SUCLG2: variants seen among roughly 807,000 people sequenced by gnomAD.
The protein encoded by SUCLG2 is succinate-CoA ligase GDP-forming subunit beta, also known as succinate--CoA ligase [GDP-forming] subunit beta, mitochondrial.
In SUCLG2, 42 loss-of-function variants were observed where a neutral mutation model predicts 47.9. The ratio of observed to expected loss-of-function variants is 0.88; its 90% CI spans 0.69 to 1.14. The LOEUF (loss-of-function observed/expected upper bound fraction) is 1.14, where lower values mean the gene tolerates loss of function less well. Ranked by LOEUF, SUCLG2 falls within the 50% of genes most tolerant of loss-of-function variation. The probability of loss-of-function intolerance (pLI) is 0.00; values close to 1 mark genes in which losing one functional copy is unlikely to be tolerated. For missense variants in SUCLG2, 571 were observed against 525.9 expected (o/e 1.09, Z -0.84); for synonymous variants, 195 against 197.3 (o/e 0.99, Z 0.10).
intron 9 of SUCLG2, among the ~76,000 whole-genome samples, chr3:67,448,928 T>C (rs1327521023): frequency 1.3e-5 from 2 of 152,170 alleles, no homozygotes; most frequent in South Asian, 2.1e-4. Flanking sequence ...TGAATTCCAT[T>C]GAGATAGTAA....
chr3:67,488,647 T>A (rs185320937), intron 9 of SUCLG2, among the ~76,000 whole-genome samples: 1 of 152,202 alleles, frequency 6.6e-6, no homozygotes, highest in African/African-American at 2.4e-5. Context: ...ATGCAGAGAT[T>A]CTTGACATTA....
chr3:67,390,645 A>C (rs1180303319), intron 10 of SUCLG2, among the ~76,000 whole-genome samples: 1 of 147,138 alleles, frequency 6.8e-6, no homozygotes, highest in Non-Finnish European at 1.5e-5. Context: ...AATTATCTGA[A>C]ATGAGGGTTT....
At chr3:67,515,504 C>T (rs1705920510) in intron 6 of SUCLG2, among the ~76,000 whole-genome samples, 1 of 152,036 alleles carries the variant, frequency 6.6e-6, no homozygotes, top group African/African-American at 2.4e-5. Context: ...ATTTTAGAGA[C>T]AACAGGCATG....
At chr3:67,557,269 CG>C (rs1707186993) in intron 2 of SUCLG2, among the ~76,000 whole-genome samples, 1 of 152,150 alleles carries the variant, frequency 6.6e-6, no homozygotes, top group Non-Finnish European at 1.5e-5. Flanking sequence ...ATTACATAGA[CG>C]TAACATGGCT....
At chr3:67,520,738 C>T (rs2107128966) in intron 4 of SUCLG2, 104 bp from the exon 5 acceptor site, 1 of 1,329,156 alleles carries the variant, frequency 7.5e-7, no homozygotes, top group South Asian at 1.4e-5. Flanking sequence ...CATTTTCAGG[C>T]TCTTACAGCC....
chr3:67,363,763 A>G (rs1422744714), intron 10 of SUCLG2, among the ~76,000 whole-genome samples: 1 of 152,190 alleles, frequency 6.6e-6, no homozygotes, highest in Non-Finnish European at 1.5e-5. Context: ...CAGATCAAAG[A>G]GAGAACAATA....
intron 9 of SUCLG2, among the ~76,000 whole-genome samples, chr3:67,471,305 G>C (rs28637707): frequency 1.3e-5 from 2 of 152,170 alleles, no homozygotes; most frequent in African/African-American, 4.8e-5. Context: ...CAAGCAAAGT[G>C]AGGCTAGGCA....
intron 1 of SUCLG2, among the ~76,000 whole-genome samples, chr3:67,615,563 G>A (rs1005014306): frequency 3.3e-5 from 5 of 150,368 alleles, no homozygotes; most frequent in Admixed American, 6.6e-5. Flanking sequence ...CAAACAAAAC[G>A]GAAGAAGCCA....
chr3:67,436,992 A>T (rs777857828), intron 9 of SUCLG2, among the ~76,000 whole-genome samples: 2 of 152,128 alleles, frequency 1.3e-5, no homozygotes, highest in African/African-American at 2.4e-5. Flanking sequence ...TATGATCAAG[A>T]TAGGAAATAG....
chr3:67,476,541 TTAA>T (rs1413270789), intron 9 of SUCLG2, among the ~76,000 whole-genome samples: 1 of 152,110 alleles, frequency 6.6e-6, no homozygotes, highest in Non-Finnish European at 1.5e-5. Flanking sequence ...CATATTACAA[TTAA>T]TAATAACAGA....
At chr3:67,370,834 G>T (rs1701943183), downstream of SUCLG2, among the ~76,000 whole-genome samples, 1 of 152,100 alleles carries the variant, frequency 6.6e-6, no homozygotes, top group African/African-American at 2.4e-5. Context: ...CATGGATAAG[G>T]GAGGACTACT....
intron 9 of SUCLG2, among the ~76,000 whole-genome samples, chr3:67,406,096 C>T (rs373312768): frequency 5.9e-5 from 9 of 152,192 alleles, no homozygotes; most frequent in Admixed American, 3.9e-4. Flanking sequence ...TATTACCTAC[C>T]CCCCTTTCGC....
intron 9 of SUCLG2, among the ~76,000 whole-genome samples, chr3:67,439,457 T>C (rs543596333): frequency 1.3e-5 from 2 of 152,320 alleles, no homozygotes; most frequent in South Asian, 2.1e-4. Flanking sequence ...TCTGTTTGCA[T>C]ATGACATGAT....
chr3:67,642,830 A>G (rs1050017002), intron 1 of SUCLG2, among the ~76,000 whole-genome samples: 4 of 152,082 alleles, frequency 2.6e-5, no homozygotes, highest in Non-Finnish European at 5.9e-5. Flanking sequence ...TGTACAGGCA[A>G]GTCCAGCAGA....
At chr3:67,461,967 T>C (rs1042890329) in intron 9 of SUCLG2, among the ~76,000 whole-genome samples, 3 of 152,062 alleles carry the variant, frequency 2.0e-5, no homozygotes, top group African/African-American at 2.4e-5. Context: ...CGGGGCCGGA[T>C]GATACAAGCT....
At chr3:67,541,313 A>G (rs1264228671) in intron 2 of SUCLG2, among the ~76,000 whole-genome samples, 2 of 152,188 alleles carry the variant, frequency 1.3e-5, no homozygotes, top group South Asian at 2.1e-4. Flanking sequence ...ACCTTGAGAA[A>G]AGGTTAGATG....
At chr3:67,473,731 C>T (rs1489047005) in intron 9 of SUCLG2, among the ~76,000 whole-genome samples, 1 of 152,176 alleles carries the variant, frequency 6.6e-6, no homozygotes, top group Non-Finnish European at 1.5e-5. Flanking sequence ...GCAGTACCAC[C>T]AGTCTTTAAC....
chr3:67,501,151 T>G (rs1705486276), intron 7 of SUCLG2, among the ~76,000 whole-genome samples: 1 of 152,184 alleles, frequency 6.6e-6, no homozygotes, highest in African/African-American at 2.4e-5. Flanking sequence ...ACAACCTAAT[T>G]GGATCATTGC....
Position 67,443,371 on chromosome 3 carries a change from G to A in SUCLG2, c.1063-42520C>T, listed in dbSNP as rs1476393542. 9.0e-5 allele frequency among the ~76,000 whole-genome samples: 6 copies of A among 66,644 alleles called. 2 individuals carry two copies. The highest frequency in any genetic ancestry group is 1.9e-4 in the Non-Finnish European group (6 of 30,984). 43.7% of individuals were successfully genotyped at this position (66,644 alleles called of 152,430 possible). Reference sequence around the variant, plus strand: ...CGGCGAGCGCCCCTCGGGAGGCAGCGGCTGGAGGAGCGGACGGGCCCCGCG... The same window carrying A: ...CGGCGAGCGCCCCTCGGGAGGCAGCAGCTGGAGGAGCGGACGGGCCCCGCG... On this transcript the variant is annotated intron_variant, in intron 9 of 10. Transcript: ENST00000307227.
Sources: allele counts gnomAD v4.1 joint callset (sites outside exome capture counted in the v4.1 genomes callset), GRCh38; gene constraint gnomAD v4.1.1; transcripts MANE v1.5; gene names NCBI Gene and HGNC (gene_info 2026-07-23, HGNC 2026-07-21).